The following SCHIP1 variants were observed in gnomAD, a reference collection of about 807,000 sequenced individuals.
SCHIP1 encodes the protein schwannomin-interacting protein 1.
A neutral mutation model predicts 29.7 loss-of-function variants in SCHIP1; 8 were observed. The ratio of observed to expected loss-of-function variants is 0.27; its 90% CI spans 0.16 to 0.49. SCHIP1 has a LOEUF of 0.49. SCHIP1 is among the 20% of genes least tolerant of loss of function. SCHIP1 has a pLI of 0.99. For synonymous variants in SCHIP1, 76 were observed against 94.9 expected, an observed-to-expected ratio of 0.80 and a Z score of 1.16; for missense variants, 193 against 294.6, an observed-to-expected ratio of 0.66 and a Z score of 2.52.
the SCHIP1 span, among the ~76,000 whole-genome samples, chr3:159,794,630 A>G: frequency 6.6e-6 from 1 of 152,202 alleles, no homozygotes; most frequent in African/African-American, 2.4e-5. Context: ...TTGTATTTCA[A>G]CATAATTGGT....
chr3:159,402,410 A>T, the SCHIP1 span, among the ~76,000 whole-genome samples: 1 of 152,166 alleles, frequency 6.6e-6, no homozygotes, highest in Non-Finnish European at 1.5e-5. Flanking sequence ...ATATCATTTG[A>T]CCCAGCCATC....
At chr3:159,804,086 A>G in the SCHIP1 span, among the ~76,000 whole-genome samples, 3 of 152,228 alleles carry the variant, frequency 2.0e-5, no homozygotes, top group Admixed American at 6.5e-5. Context: ...TAAGGAAAGC[A>G]GAGAGGTCAA....
intron 2 of SCHIP1, 149 bp downstream of exon 3, chr3:159,866,430 C>T (rs1221976266): frequency 1.6e-5 from 11 of 675,196 alleles, no homozygotes; most frequent in Non-Finnish European, 2.7e-5. Context: ...TTAGACAGAC[C>T]CTTCCCCACT....
the SCHIP1 span, among the ~76,000 whole-genome samples, chr3:159,563,124 C>G: frequency 6.6e-6 from 1 of 152,158 alleles, no homozygotes; most frequent in East Asian, 1.9e-4. Context: ...TCTGCAGATG[C>G]CATTCTTCAG....
At chr3:159,684,321 T>G in the SCHIP1 span, among the ~76,000 whole-genome samples, 1 of 152,206 alleles carries the variant, frequency 6.6e-6, no homozygotes, top group African/African-American at 2.4e-5. Context: ...TCAAAAACCC[T>G]AATAAGGGCT....
the SCHIP1 span, among the ~76,000 whole-genome samples, chr3:159,637,674 T>C: frequency 1.3e-5 from 2 of 152,134 alleles, no homozygotes; most frequent in East Asian, 1.9e-4. Flanking sequence ...AAAATCTCCT[T>C]CTAGAAAAGT....
At chr3:159,680,522 TATATATGTATATA>T in the SCHIP1 span, among the ~76,000 whole-genome samples, 2,565 of 120,680 alleles carry the variant, frequency 0.021, 48 homozygotes, top group African/African-American at 0.045. Context: ...AAAAAATATA[TATATATGTATATA>T]ATATATGTAT....
the SCHIP1 span, among the ~76,000 whole-genome samples, chr3:159,559,429 C>T: frequency 6.6e-6 from 1 of 152,172 alleles, no homozygotes; most frequent in Non-Finnish European, 1.5e-5. Context: ...ACTATGCTTG[C>T]TTTGCCACAA....
the SCHIP1 span, among the ~76,000 whole-genome samples, chr3:159,823,333 ACCT>A: frequency 1.3e-5 from 2 of 151,346 alleles, no homozygotes; most frequent in Non-Finnish European, 2.9e-5. Context: ...CATGAAGGAA[ACCT>A]CCTCGAAAAT....
the SCHIP1 span, among the ~76,000 whole-genome samples, chr3:159,562,109 T>TA: frequency 6.6e-6 from 1 of 152,180 alleles, no homozygotes; most frequent in Non-Finnish European, 1.5e-5. Flanking sequence ...TAAGCAGGCT[T>TA]TGTAATTCCT....
At chr3:159,367,999 A>G in the SCHIP1 span, among the ~76,000 whole-genome samples, 3 of 152,092 alleles carry the variant, frequency 2.0e-5, no homozygotes, top group South Asian at 2.1e-4. Flanking sequence ...CTCTATTTCT[A>G]TATTCCAACT....
chr3:159,878,789 A>G (rs1716138034), intron 2 of SCHIP1, among the ~76,000 whole-genome samples: 1 of 149,982 alleles, frequency 6.7e-6, no homozygotes, highest in Non-Finnish European at 1.5e-5. Flanking sequence ...AAAAAAAAAT[A>G]AAATAAAATA....
chr3:159,277,973 C>T, the SCHIP1 span, among the ~76,000 whole-genome samples: 3 of 151,858 alleles, frequency 2.0e-5, no homozygotes, highest in Non-Finnish European at 2.9e-5. Flanking sequence ...AAGCATTGAG[C>T]TTCTCATCAC....
the SCHIP1 span, among the ~76,000 whole-genome samples, chr3:159,276,841 T>G: frequency 6.6e-6 from 1 of 152,154 alleles, no homozygotes; most frequent in African/African-American, 2.4e-5. Flanking sequence ...CCCCCATAAG[T>G]AAACTTAAGT....
chr3:159,299,665 G>C, the SCHIP1 span, among the ~76,000 whole-genome samples: 1 of 152,130 alleles, frequency 6.6e-6, no homozygotes, highest in Admixed American at 6.5e-5. Context: ...TTACTTTCTG[G>C]CTGTCTGGAT....
At chr3:159,470,710 A>C in the SCHIP1 span, among the ~76,000 whole-genome samples, 1 of 152,150 alleles carries the variant, frequency 6.6e-6, no homozygotes, top group African/African-American at 2.4e-5. Context: ...CACAGGGCAC[A>C]AATGTCTGTA....
At chr3:159,296,004 A>AT in the SCHIP1 span, among the ~76,000 whole-genome samples, 3 of 152,156 alleles carry the variant, frequency 2.0e-5, no homozygotes, top group African/African-American at 7.2e-5. Flanking sequence ...ATCAGTGTTC[A>AT]TTTTTTGCAC....
At chr3:159,717,206 A>G in the SCHIP1 span, among the ~76,000 whole-genome samples, 1 of 152,196 alleles carries the variant, frequency 6.6e-6, no homozygotes, top group African/African-American at 2.4e-5. Context: ...ACAACATACC[A>G]GAATCTCTGG....
the SCHIP1 span, among the ~76,000 whole-genome samples, chr3:159,653,593 G>A: frequency 2.0e-5 from 3 of 151,134 alleles, no homozygotes; most frequent in Admixed American, 1.3e-4. Flanking sequence ...GTTGGGGGGT[G>A]GGGGGTAAGG....
Sources: gnomAD v4.1 joint callset for allele counts (sites outside exome capture counted in the v4.1 genomes callset) on GRCh38, gnomAD v4.1.1 for gene constraint, MANE v1.5 for transcripts, NCBI Gene and HGNC (gene_info 2026-07-23, HGNC 2026-07-21) for gene names.